The following SYCP2L variants were observed in gnomAD, a reference collection of about 807,000 sequenced individuals.
The protein encoded by SYCP2L is synaptonemal complex protein 2-like.
A neutral mutation model predicts 125.8 loss-of-function variants in SYCP2L; 98 were observed. That is an observed-to-expected ratio of 0.78 (90% CI 0.66 to 0.92). The LOEUF is 0.92. Among genes scored for constraint, SYCP2L ranks in the 40% least tolerant of loss-of-function variants. The pLI is 0.00. For synonymous variants in SYCP2L, 317 were observed against 325.4 expected (o/e 0.97, Z 0.28); for missense variants, 842 against 936.4 (o/e 0.90, Z 1.32).
chr6:10,949,509 A>T (rs1160280240), intron 23 of SYCP2L, among the ~76,000 whole-genome samples: 1 of 152,136 alleles, frequency 6.6e-6, no homozygotes, highest in Non-Finnish European at 1.5e-5. Flanking sequence ...ATTAAGGCCT[A>T]ACTGGACTTG....
Position 10,924,506 on chromosome 6 carries a change from G to A in SYCP2L, c.1083G>A (p.Lys361=), listed in dbSNP as rs1238048494. 1 of 1,578,546 alleles carries A rather than the reference G, an allele frequency of 6.3e-7. No individual in the cohort carries two copies. The highest frequency in any genetic ancestry group is 2.0e-5 in the Admixed American group (1 of 50,392). The change falls in exon 15 of 30, where the codon AAG becomes AAA. Residue 361 remains lysine, a synonymous_variant. Transcript: ENST00000283141. The stretch of plus-strand genomic sequence containing the variant: ...CATATTTTCTCTTAGAAACGGAGAA[G>A]ATAAAGATATTTATCATTTACCTGA... ...VMNFSITETE[K]IKIFIIYLKK...
At chr6:10,933,588 C>T (rs184609421) in intron 20 of SYCP2L, among the ~76,000 whole-genome samples, 74 of 152,320 alleles carry the variant, frequency 4.9e-4, no homozygotes, top group Non-Finnish European at 9.7e-4. Context: ...GACCACACTT[C>T]GAGTTATCTA....
intron 23 of SYCP2L, among the ~76,000 whole-genome samples, chr6:10,947,357 A>G (rs1047533248): frequency 1.3e-5 from 2 of 152,126 alleles, no homozygotes; most frequent in African/African-American, 2.4e-5. Flanking sequence ...TGCATTAAAT[A>G]TATAAGTTAA....
rs140931067 is a variant in SYCP2L, at chr6:10,966,289, T to C, written c.*37+2446T>C. 5.9e-3 allele frequency among the ~76,000 whole-genome samples: 905 copies of C among 152,296 alleles called. 10 individuals are homozygous for C. The highest frequency in any genetic ancestry group is 0.019 in the African/African-American group (801 of 41,556). The stretch of plus-strand genomic sequence containing the variant: ...TACTAATACATTAATTACCAGTAGA[T>C]CTAGGGAGAAAAATCATTTTGATTA... On this transcript the variant is annotated intron_variant, in intron 29 of 29. Transcript: ENST00000283141.
At chr6:10,938,774 CA>C (rs1344901978) in intron 21 of SYCP2L, among the ~76,000 whole-genome samples, 1 of 152,020 alleles carries the variant, frequency 6.6e-6, no homozygotes, top group Non-Finnish European at 1.5e-5. Context: ...CAAAACAAAA[CA>C]AAAATCAGTT....
At chr6:10,938,964 C>T (rs1191086143) in intron 21 of SYCP2L, among the ~76,000 whole-genome samples, 1 of 151,896 alleles carries the variant, frequency 6.6e-6, no homozygotes, top group Non-Finnish European at 1.5e-5. Flanking sequence ...ACTAAAAATA[C>T]AACATATTAG....
intron 2 of SYCP2L, among the ~76,000 whole-genome samples, chr6:10,892,655 A>C (rs1273511235): frequency 2.0e-5 from 3 of 152,178 alleles, no homozygotes. Context: ...ATCTCACATA[A>C]GTTTGTAACC....
chr6:10,891,611 CTCTGTGTGTGTGTG>C lies in SYCP2L; in HGVS notation c.78+32_78+45del, dbSNP rs1314308268. On this transcript the variant is annotated intron_variant, in intron 2 of 29. Transcript: ENST00000283141. ...AGATCAAGTTTCTTTTATAATCTCT[CTCTGTGTGTGTGTG>C]TGTGTGTGTGTGTGTGTGTGTGTGT... 3.1e-3 allele frequency: 404 copies of C among 130,266 alleles called. 24 individuals carry two copies. The highest frequency in any genetic ancestry group is 3.9e-3 in the Non-Finnish European group (339 of 87,464). The allele number at this position is 130,266 out of a possible 1,614,324, so 8.1% of individuals were successfully genotyped here.
rs1413899526 is a variant in SYCP2L at position 10,958,649 on chromosome 6, G to A, written c.2164-135G>A. 4 of 764,634 alleles carry A rather than the reference G, an allele frequency of 5.2e-6. No individual in the cohort carries two copies. In the Admixed American group the frequency reaches 1.1e-4, roughly 21 times the overall value. The allele number at this position is 764,634 out of a possible 1,614,324, so 47.4% of individuals were successfully genotyped here. ...CTGACAGGTGTATAGGATGATGCCTGATCACACTTGCTTAGCACTCACATT... is the reference window on the plus strand; with the variant it reads ...CTGACAGGTGTATAGGATGATGCCTAATCACACTTGCTTAGCACTCACATT... On this transcript the variant is annotated intron_variant, in intron 25 of 29. Coordinates refer to ENST00000283141, the MANE Select transcript of SYCP2L (RefSeq NM_001040274.3).
At chr6:10,918,992 T>C (rs534623852) in intron 14 of SYCP2L, among the ~76,000 whole-genome samples, 250 of 152,346 alleles carry the variant, frequency 1.6e-3, no homozygotes, top group Admixed American at 4.1e-3. Context: ...TATGATTTTT[T>C]TATTTCCTTA....
chr6:10,957,061 T>A (rs1401374643), intron 25 of SYCP2L, among the ~76,000 whole-genome samples: 1 of 152,096 alleles, frequency 6.6e-6, no homozygotes, highest in Non-Finnish European at 1.5e-5. Flanking sequence ...ACTTCTGGCC[T>A]AAGGTGATCC....
intron 29 of SYCP2L, among the ~76,000 whole-genome samples, chr6:10,966,584 G>A (rs1192725052): frequency 6.6e-6 from 1 of 152,064 alleles, no homozygotes; most frequent in Non-Finnish European, 1.5e-5. Context: ...TTTGAAACTT[G>A]ACCAGCTGAT....
chr6:10,896,944 G>A (rs1053552093), intron 4 of SYCP2L, among the ~76,000 whole-genome samples: 2 of 152,178 alleles, frequency 1.3e-5, no homozygotes, highest in Non-Finnish European at 2.9e-5. Flanking sequence ...ACAGAGTTTT[G>A]AAGGCCTGAC....
intron 16 of SYCP2L, among the ~76,000 whole-genome samples, chr6:10,926,815 T>A (rs1262573136): frequency 6.6e-6 from 1 of 150,526 alleles, no homozygotes; most frequent in African/African-American, 2.4e-5. Flanking sequence ...AGTCTTGCTC[T>A]GTTGCCCAGG....
Position 10,910,750 on chromosome 6 carries a change from T to C in SYCP2L, c.873-74T>C. The C allele has an allele frequency of 2.0e-6, 3 of 1,506,742 alleles. No homozygotes were observed. In the Admixed American group the frequency reaches 5.0e-5, roughly 25 times the overall value. The allele number at this position is 1,506,742 out of a possible 1,614,324, so 93.3% of individuals were successfully genotyped here. ...AATGGCATACTCTAGTTATAAGTGC[T>C]TGTTGCGGAACGTCTGTAGATGTGT... On this transcript the variant is annotated intron_variant, in intron 11 of 29. Transcript: ENST00000283141.
intron 10 of SYCP2L, among the ~76,000 whole-genome samples, chr6:10,908,339 C>T (rs777880076): frequency 3.9e-5 from 6 of 152,132 alleles, no homozygotes; most frequent in Admixed American, 6.5e-5. Flanking sequence ...AAGGCAGCTG[C>T]TGTGATGGCA....
At chr6:10,972,228 T>C (rs1457153918) in intron 29 of SYCP2L, among the ~76,000 whole-genome samples, 3 of 152,114 alleles carry the variant, frequency 2.0e-5, no homozygotes, top group Admixed American at 6.6e-5. Flanking sequence ...AGGAAAAAAA[T>C]ACTGTTTTCT....
intron 6 of SYCP2L, 143 bp from the exon 7 acceptor site, chr6:10,902,534 A>G: frequency 1.5e-6 from 1 of 654,508 alleles, no homozygotes; most frequent in South Asian, 2.0e-5. Context: ...ATGCAACAGG[A>G]TTGTAAGAGG....
At chr6:10,931,769 A>T (rs1437415439) in intron 20 of SYCP2L, among the ~76,000 whole-genome samples, 2 of 152,140 alleles carry the variant, frequency 1.3e-5, no homozygotes, top group Admixed American at 1.3e-4. Context: ...GTTCGAGACC[A>T]GCCTGGGCAA....
Sources: gnomAD v4.1 joint callset for allele counts (sites outside exome capture counted in the v4.1 genomes callset) on GRCh38, gnomAD v4.1.1 for gene constraint, MANE v1.5 for transcripts, NCBI Gene and HGNC (gene_info 2026-07-23, HGNC 2026-07-21) for gene names.